The following SEMA4G variants were observed in gnomAD, a reference collection of about 807,000 sequenced individuals.
The protein encoded by SEMA4G is semaphorin 4G.
SEMA4G carries 59 observed loss-of-function variants against 81.2 expected under a neutral mutation model. The observed-to-expected ratio is 0.73, with a 90% CI of 0.59 to 0.90. The LOEUF is 0.90. Ranked by LOEUF, SEMA4G falls within the 40% of genes least tolerant of loss-of-function variation. The pLI is 0.00. For missense variants in SEMA4G, 952 were observed against 1,102.3 expected (o/e 0.86, Z 1.93); for synonymous variants, 404 against 433.9 (o/e 0.93, Z 0.86).
At chr10:100,978,169 G>A (rs1850883375) in intron 4 of SEMA4G, 126 bp from the exon 6 acceptor site, 1 of 643,710 alleles carries the variant, frequency 1.6e-6, no homozygotes. Flanking sequence ...ATTGCTGTCA[G>A]GTGCATCTGC....
At position 100,979,956 on chromosome 10, in the gene SEMA4G, CTA is replaced by C; in HGVS notation, c.1094_1095del (p.Tyr365Ter). The C allele has an allele frequency of 6.2e-7, 1 of 1,614,116 alleles. No individual in the cohort carries two copies. The highest frequency in any genetic ancestry group is 1.1e-5 in the South Asian group (1 of 91,088). ...AGGATGGTTCCCGGCGCTGGGGTCGCTATGAGGGTGGGGTGCCTGAGCCCCGG... is the reference window on the plus strand; with the variant it reads ...AGGATGGTTCCCGGCGCTGGGGTCGCTGAGGGTGGGGTGCCTGAGCCCCGG... On this transcript the variant is annotated frameshift_variant, in exon 9 of 14. Transcript: ENST00000370250. LOFTEE classifies it high-confidence loss of function.
chr10:100,974,598 C>T (rs1487009950), intron 3 of SEMA4G, among the ~76,000 whole-genome samples: 3 of 152,342 alleles, frequency 2.0e-5, no homozygotes, highest in African/African-American at 7.2e-5. Context: ...GATGATTTAG[C>T]TATTATCTCA....
exon 1 of SEMA4G, chr10:100,972,749 C>T: frequency 1.6e-6 from 1 of 623,420 alleles, no homozygotes; most frequent in South Asian, 2.3e-5. Context: ...CAGGACCCCC[C>T]ATGGCCCCAT....
At position 100,973,708 on chromosome 10, in the gene SEMA4G, C is replaced by A. The variant is rs956976917; in HGVS notation, c.336+99C>A. 2 of 1,046,138 alleles carry A rather than the reference C, an allele frequency of 1.9e-6. No homozygotes were observed. Among genetic ancestry groups the A allele is most frequent in the Non-Finnish European group, 1.4e-6 (1 of 703,466 alleles). 64.8% of individuals were successfully genotyped at this position (1,046,138 alleles called of 1,614,324 possible). On this transcript the variant is annotated intron_variant, in intron 3 of 13. Coordinates refer to ENST00000370250, the Ensembl canonical transcript of SEMA4G. The surrounding 1 kb of genome is among the most constrained non-coding windows in gnomAD (Gnocchi z 5.5). ...ACACAGATGGGTAGGTACAGACCTG[C>A]CAGTCAATCTCAGCAACCACAGTAA...
At chr10:100,972,083 AAAAAC>A (rs1401484524), upstream of SEMA4G, among the ~76,000 whole-genome samples, 2 of 152,184 alleles carry the variant, frequency 1.3e-5, no homozygotes, top group African/African-American at 4.8e-5. Flanking sequence ...AGGGAAAAGA[AAAAAC>A]AAAGGGAAAG....
intron 13 of SEMA4G, chr10:100,981,589 G>C: frequency 6.2e-7 from 1 of 1,606,768 alleles, no homozygotes; most frequent in Non-Finnish European, 8.5e-7. Flanking sequence ...GATGTATTAA[G>C]TATTTACTGT....
At chr10:100,978,005 C>T in intron 4 of SEMA4G, 1 of 571,088 alleles carries the variant, frequency 1.8e-6, no homozygotes, top group Non-Finnish European at 3.1e-6. Flanking sequence ...GGGCCTTGAT[C>T]CCCTGGACAG....
At position 100,983,898 on chromosome 10, in the gene SEMA4G, G is replaced by GCA; in HGVS notation, c.2285_2286insAC (p.Ala764GlnfsTer15). 6.6e-7 allele frequency: 1 copy of GCA among 1,523,114 alleles called. No individual in the cohort carries two copies. The highest frequency in any genetic ancestry group is 8.8e-7 in the Non-Finnish European group (1 of 1,134,502). 94.3% of individuals were successfully genotyped at this position (1,523,114 alleles called of 1,614,324 possible). ...TCTCCAGATCATCCCTGGGGAGGGA[G>GCA]CCCCAGCCCCACCACCCCCACCGCC... On this transcript the variant is annotated frameshift_variant, in exon 14 of 14. Transcript: ENST00000370250. LOFTEE classifies it high-confidence loss of function.
At chr10:100,979,521 T>C (rs1424321855) in intron 8 of SEMA4G, 1 of 1,007,902 alleles carries the variant, frequency 9.9e-7, no homozygotes, top group African/African-American at 1.6e-5. Flanking sequence ...TAGCTGGGAC[T>C]ATAGGCGTGT....
intron 13 of SEMA4G, among the ~76,000 whole-genome samples, chr10:100,983,021 T>G (rs1851187785): frequency 6.6e-6 from 1 of 152,160 alleles, no homozygotes; most frequent in South Asian, 2.1e-4. Context: ...GAGAGAAGTC[T>G]GAGGTAGAGA....
At chr10:100,984,636 G>A (rs562213978) in exon 14 of SEMA4G, 1 of 1,536,160 alleles carries the variant, frequency 6.5e-7, no homozygotes, top group Non-Finnish European at 8.7e-7. Flanking sequence ...ATGTTTATCG[G>A]CTGGGCTGCA....
Position 100,973,423 on chromosome 10 carries a change from C to A in SEMA4G, c.274-124C>A. ...TCCCAGCCCAGGTGTTCCTTGCATT[C>A]AGTGTTCCTCCTGAAATTGATCCCC... On this transcript the variant is annotated intron_variant, in intron 2 of 13. Transcript: ENST00000370250. This position sits in a 1 kb window ranked among gnomAD's most constrained non-coding sequence, Gnocchi z 5.5. The A allele has an allele frequency of 7.2e-7, 1 of 1,388,038 alleles. No individual in the cohort carries two copies. Among genetic ancestry groups the A allele is most frequent in the Non-Finnish European group, 1.0e-6 (1 of 1,000,492 alleles). 86.0% of individuals were successfully genotyped at this position (1,388,038 alleles called of 1,614,324 possible).
chr10:100,980,754 G>A, intron 11 of SEMA4G, 61 bp downstream of exon 12: 2 of 1,606,744 alleles, frequency 1.2e-6, no homozygotes, highest in Non-Finnish European at 1.7e-6. Flanking sequence ...GAGTGGGGAG[G>A]TTGGGCAGAG....
chr10:100,975,597 C>T (rs1238283505), intron 3 of SEMA4G, among the ~76,000 whole-genome samples: 6 of 152,176 alleles, frequency 3.9e-5, no homozygotes, highest in Non-Finnish European at 1.5e-5. Flanking sequence ...GTGGCTCAGG[C>T]CTGTAATCCC....
chr10:100,979,570 A>G (rs1310989427), intron 8 of SEMA4G, among the ~76,000 whole-genome samples: 1 of 151,882 alleles, frequency 6.6e-6, no homozygotes, highest in Non-Finnish European at 1.5e-5. Flanking sequence ...TTTAATAGAG[A>G]TGGGGTTTCA....
At chr10:100,979,779 C>T (rs946543474) in intron 8 of SEMA4G, 69 bp from the exon 10 acceptor site, 2 of 1,581,756 alleles carry the variant, frequency 1.3e-6, no homozygotes, top group Non-Finnish European at 1.7e-6. Flanking sequence ...GAGCTTCAGG[C>T]TGAGCACGAG....
exon 14 of SEMA4G, chr10:100,984,098 G>A: frequency 1.2e-6 from 2 of 1,613,172 alleles, no homozygotes; most frequent in Non-Finnish European, 1.7e-6. Flanking sequence ...AGCACACGCA[G>A]CTCGTGGAGC....
chr10:100,975,910 A>C (rs186647573), intron 3 of SEMA4G, among the ~76,000 whole-genome samples: 1 of 152,150 alleles, frequency 6.6e-6, no homozygotes, highest in Non-Finnish European at 1.5e-5. Flanking sequence ...AAAAAATAAA[A>C]TTAAAAAAAT....
upstream of SEMA4G, among the ~76,000 whole-genome samples, chr10:100,970,142 C>T (rs535549695): frequency 3.3e-5 from 5 of 152,260 alleles, no homozygotes; most frequent in African/African-American, 1.2e-4. Flanking sequence ...CAGTTCCCTC[C>T]ACCCCAAGAT....
Sources: gnomAD v4.1 joint callset for allele counts (sites outside exome capture counted in the v4.1 genomes callset) on GRCh38, gnomAD v4.1.1 for gene constraint, Gnocchi (gnomAD v3.1) non-coding constraint, MANE v1.5 for transcripts, NCBI Gene and HGNC (gene_info 2026-07-23, HGNC 2026-07-21) for gene names.